The following FIG4 variants were observed in gnomAD, a reference collection of about 807,000 sequenced individuals.
The protein encoded by FIG4 is FIG4 phosphoinositide 5-phosphatase.
FIG4 carries 112 observed loss-of-function variants against 118.6 expected under a neutral mutation model. The ratio of observed to expected loss-of-function variants is 0.94; its 90% confidence interval spans 0.81 to 1.11. FIG4 has a LOEUF of 1.11. Ranked by LOEUF, FIG4 falls within the 50% of genes least tolerant of loss-of-function variation. FIG4 has a pLI of 0.00. For synonymous variants in FIG4, 369 were observed against 381.2 expected, an observed-to-expected ratio of 0.97 and a Z score of 0.37; for missense variants, 969 against 1,111.7, an observed-to-expected ratio of 0.87 and a Z score of 1.83.
intron 12 of FIG4, 116 bp downstream of exon 12, chr6:109,762,323 A>G (rs1176977559): frequency 1.4e-6 from 1 of 707,594 alleles, no homozygotes; most frequent in Admixed American, 2.0e-5. Flanking sequence ...GGGGGGAGGC[A>G]CACTGCTCAC....
At chr6:109,822,440 T>G (rs1779030391) in intron 22 of FIG4, among the ~76,000 whole-genome samples, 1 of 152,150 alleles carries the variant, frequency 6.6e-6, no homozygotes, top group Non-Finnish European at 1.5e-5. Flanking sequence ...TATTGTTAGT[T>G]TTTATATTTA....
At chr6:109,795,652 A>AGT (rs1201683839) in intron 21 of FIG4, among the ~76,000 whole-genome samples, 1 of 111,274 alleles carries the variant, frequency 9.0e-6, no homozygotes, top group Non-Finnish European at 1.7e-5. Context: ...CCCAGGCTGG[A>AGT]GTGCAATGGC....
At chr6:109,772,899 A>G (rs1777509664) in intron 15 of FIG4, among the ~76,000 whole-genome samples, 1 of 152,206 alleles carries the variant, frequency 6.6e-6, no homozygotes, top group African/African-American at 2.4e-5. Flanking sequence ...TTCTCACAAG[A>G]CTAGAGTAAA....
chr6:109,754,533 A>T (rs1179881575), intron 10 of FIG4, among the ~76,000 whole-genome samples: 4 of 152,072 alleles, frequency 2.6e-5, no homozygotes, highest in African/African-American at 9.7e-5. Context: ...TCCTCCTTGT[A>T]CCTCTGGTAG....
At chr6:109,765,930 AAC>A (rs1042473145) in intron 14 of FIG4, among the ~76,000 whole-genome samples, 4 of 152,210 alleles carry the variant, frequency 2.6e-5, no homozygotes, top group African/African-American at 9.6e-5. Context: ...TGGAAATATT[AAC>A]AGACACTTGA....
intron 15 of FIG4, 74 bp from the exon 16 acceptor site, chr6:109,776,848 T>C (rs906450819): frequency 8.2e-7 from 1 of 1,222,476 alleles, no homozygotes; most frequent in Non-Finnish European, 1.2e-6. Context: ...ACCACTATCC[T>C]CCTAAGAAAA....
At position 109,825,269 on chromosome 6, in the gene FIG4, G is replaced by A. The variant is rs749397734; in HGVS notation, c.*4G>A. On this transcript the variant is annotated 3_prime_UTR_variant, in exon 23 of 23. Transcript: ENST00000230124. ...CATCAGGAACCGCTACCTGTGAAAA[G>A]AGCGCAGGTCCACCTGGTGGACACG... is the stretch of plus-strand genomic sequence containing the variant. 6.2e-7 allele frequency: 1 copy of A among 1,613,256 alleles called. No individual in the cohort carries two copies. Among genetic ancestry groups the A allele is most frequent in the South Asian group, 1.1e-5 (1 of 91,070 alleles).
At chr6:109,701,122 G>A (rs1774891640) in intron 1 of FIG4, among the ~76,000 whole-genome samples, 1 of 152,234 alleles carries the variant, frequency 6.6e-6, no homozygotes. Flanking sequence ...GTGTATAGAG[G>A]TGGATTTTGA....
intron 10 of FIG4, among the ~76,000 whole-genome samples, chr6:109,752,670 A>C (rs2128389075): frequency 6.6e-6 from 1 of 152,046 alleles, no homozygotes; most frequent in East Asian, 1.9e-4. Flanking sequence ...TCCTTTTCCC[A>C]CTTTTTGATG....
chr6:109,714,551 TAA>T (rs1775369325), intron 1 of FIG4, among the ~76,000 whole-genome samples: 1 of 152,236 alleles, frequency 6.6e-6, no homozygotes, highest in Non-Finnish European at 1.5e-5. Flanking sequence ...AGCTTATCTA[TAA>T]AAGGTCATTT....
intron 22 of FIG4, among the ~76,000 whole-genome samples, chr6:109,812,877 G>A (rs1778759121): frequency 6.6e-6 from 1 of 152,220 alleles, no homozygotes; most frequent in South Asian, 2.1e-4. Context: ...GCTGATGGCA[G>A]AGACAGATGC....
At chr6:109,785,060 C>G (rs952304974) in intron 17 of FIG4, 32 bp downstream of exon 17, 6 of 1,290,168 alleles carry the variant, frequency 4.7e-6, no homozygotes, top group Non-Finnish European at 6.8e-6. Flanking sequence ...AGTTTTTACA[C>G]TAACATATTT....
At chr6:109,755,690 A>T (rs892086473) in intron 10 of FIG4, among the ~76,000 whole-genome samples, 1 of 152,172 alleles carries the variant, frequency 6.6e-6, no homozygotes, top group Admixed American at 6.5e-5. Context: ...CCATTATGTA[A>T]TGGCCTCCTT....
chr6:109,812,559 AG>A (rs557936037), intron 22 of FIG4, among the ~76,000 whole-genome samples: 10 of 152,378 alleles, frequency 6.6e-5, no homozygotes, highest in African/African-American at 2.4e-4. Flanking sequence ...GGGAGCCAAG[AG>A]AAGAAAGTGT....
chr6:109,825,316 C>G lies in FIG4; in HGVS notation c.*51C>G. 6.6e-7 allele frequency: 1 copy of G among 1,516,896 alleles called. No homozygotes were observed. The highest frequency in any genetic ancestry group is 2.3e-5 in the East Asian group (1 of 44,230). The allele number at this position is 1,516,896 out of a possible 1,614,324, so 94.0% of individuals were successfully genotyped here. On this transcript the variant is annotated 3_prime_UTR_variant, in exon 23 of 23. Transcript: ENST00000230124. ...CACGTCTGATTAGCTTAGAACCTGTCTTGTCTCATCTTCAAAAGGTAACTT... is the reference window on the plus strand; with the variant it reads ...CACGTCTGATTAGCTTAGAACCTGTGTTGTCTCATCTTCAAAAGGTAACTT...
chr6:109,783,634 A>G (rs1375401120), intron 16 of FIG4, among the ~76,000 whole-genome samples: 9 of 152,244 alleles, frequency 5.9e-5, no homozygotes, highest in Admixed American at 2.0e-4. Flanking sequence ...GGAATAACTG[A>G]ATGAATTCTT....
Position 109,700,407 on chromosome 6 carries a change from C to T in FIG4, c.66+8906C>T, listed in dbSNP as rs374927092. Among the ~76,000 whole-genome samples, 121 of 152,212 alleles carry T rather than the reference C, an allele frequency of 7.9e-4. 4 individuals are homozygous for T. In the South Asian group the frequency reaches 0.025, roughly 31 times the overall value. Reference sequence around the variant, plus strand: ...AAAGGACAAGGATATCAACAAGTAGCTCACTAAAAAGAAGTTTGAATATGA... The same window carrying T: ...AAAGGACAAGGATATCAACAAGTAGTTCACTAAAAAGAAGTTTGAATATGA... On this transcript the variant is annotated intron_variant, in intron 1 of 22. Coordinates refer to ENST00000230124, the MANE Select transcript of FIG4 (RefSeq NM_014845.6).
chr6:109,820,287 A>T lies in FIG4; in HGVS notation c.2547-4801A>T, dbSNP rs111686034. Among the ~76,000 whole-genome samples, 578 of 152,342 alleles carry T rather than the reference A, an allele frequency of 3.8e-3. 2 individuals carry two copies. The highest frequency in any genetic ancestry group is 0.013 in the African/African-American group (545 of 41,586). On this transcript the variant is annotated intron_variant, in intron 22 of 22. Transcript: ENST00000230124. The stretch of plus-strand genomic sequence containing the variant: ...CTCCTATTAGCTGCAATAAAAGTAT[A>T]TCTGATAAGTAGTCATTTAAAACAT...
At chr6:109,749,127 A>G (rs1776608228) in intron 10 of FIG4, among the ~76,000 whole-genome samples, 2 of 150,182 alleles carry the variant, frequency 1.3e-5, no homozygotes, top group Admixed American at 6.7e-5. Context: ...ATATGGAGGA[A>G]TATGTCCCCA....
Sources: allele counts gnomAD v4.1 joint callset (sites outside exome capture counted in the v4.1 genomes callset), GRCh38; gene constraint gnomAD v4.1.1; transcripts MANE v1.5; gene names NCBI Gene and HGNC (gene_info 2026-07-23, HGNC 2026-07-21).